Variants in NRG1 observed in about 807,000 individuals in gnomAD.
NRG1 encodes pro-neuregulin-1, membrane-bound isoform.
In NRG1, 18 loss-of-function variants were observed where a neutral mutation model predicts 63.8. The observed-to-expected ratio is 0.28, with a 90% CI of 0.19 to 0.42. NRG1 has a LOEUF of 0.42. Ranked by LOEUF, NRG1 falls within the 10% of genes least tolerant of loss-of-function variation. The pLI, the probability that NRG1 is intolerant of heterozygous loss-of-function variation, is 1.00. For missense variants in NRG1, 762 were observed against 814.7 expected, an observed-to-expected ratio of 0.94 and a Z score of 0.79; for synonymous variants, 302 against 301.3, an observed-to-expected ratio of 1.00 and a Z score of -0.02.
intron 1 of NRG1, among the ~76,000 whole-genome samples, chr8:32,484,825 T>C (rs1220096192): frequency 1.3e-5 from 2 of 152,188 alleles, no homozygotes; most frequent in African/African-American, 4.8e-5. Flanking sequence ...TAGAGAATAA[T>C]GATGCTTAAA....
At chr8:32,232,311 A>G (rs1168066479) in intron 1 of NRG1, among the ~76,000 whole-genome samples, 5 of 152,256 alleles carry the variant, frequency 3.3e-5, no homozygotes, top group African/African-American at 1.2e-4. Flanking sequence ...ACACCTTTAC[A>G]GCTCAACAGA....
chr8:31,699,585 T>A (rs6468060), intron 1 of NRG1, among the ~76,000 whole-genome samples: 33,040 of 152,140 alleles, frequency 0.22, 3,971 homozygotes, highest in Non-Finnish European at 0.25. Context: ...ACTTCATGCC[T>A]GAGTCTTTCT....
At chr8:32,359,056 T>G (rs1362685528) in intron 1 of NRG1, among the ~76,000 whole-genome samples, 4 of 152,126 alleles carry the variant, frequency 2.6e-5, no homozygotes, top group Non-Finnish European at 4.4e-5. Flanking sequence ...GCCCTCCTTG[T>G]AGCTTTGCCC....
At chr8:32,239,507 A>G (rs554206542) in intron 1 of NRG1, among the ~76,000 whole-genome samples, 66 of 144,020 alleles carry the variant, frequency 4.6e-4, no homozygotes, top group African/African-American at 1.6e-3. Context: ...TTTCATTTTA[A>G]ATGAATTTTA....
At chr8:32,300,578 T>C (rs1234178272) in intron 1 of NRG1, among the ~76,000 whole-genome samples, 1 of 152,232 alleles carries the variant, frequency 6.6e-6, no homozygotes, top group East Asian at 1.9e-4. Context: ...TTAAACATTA[T>C]TTCAGTAGAA....
intron 1 of NRG1, among the ~76,000 whole-genome samples, chr8:31,780,680 C>T (rs1232224854): frequency 6.6e-6 from 1 of 152,140 alleles, no homozygotes; most frequent in Non-Finnish European, 1.5e-5. Flanking sequence ...CTTAGTTCCC[C>T]TTTTTCCTCC....
At chr8:31,987,047 C>G (rs1360212680) in intron 1 of NRG1, among the ~76,000 whole-genome samples, 1 of 151,994 alleles carries the variant, frequency 6.6e-6, no homozygotes, top group Non-Finnish European at 1.5e-5. Context: ...CGCCTATAAT[C>G]CTAGCACCTT....
At chr8:31,975,531 T>C (rs1017172945) in intron 1 of NRG1, among the ~76,000 whole-genome samples, 1 of 152,148 alleles carries the variant, frequency 6.6e-6, no homozygotes, top group African/African-American at 2.4e-5. Context: ...CTCATGGGAG[T>C]ACTGCATACC....
chr8:32,451,455 C>G (rs1820929422), intron 1 of NRG1, among the ~76,000 whole-genome samples: 4 of 152,202 alleles, frequency 2.6e-5, no homozygotes, highest in Admixed American at 1.3e-4. Flanking sequence ...TGAGGAGATG[C>G]CCTTTTTCCC....
At chr8:32,628,899 A>G (rs531549201) in intron 5 of NRG1, among the ~76,000 whole-genome samples, 27 of 151,974 alleles carry the variant, frequency 1.8e-4, no homozygotes, top group African/African-American at 6.0e-4. Context: ...CACCTGGCTA[A>G]TATTTTGTAT....
chr8:32,402,225 T>A (rs1275799499), intron 1 of NRG1, among the ~76,000 whole-genome samples: 1 of 152,144 alleles, frequency 6.6e-6, no homozygotes, highest in African/African-American at 2.4e-5. Flanking sequence ...AAAGTTTTTT[T>A]AAAAAGAGAA....
chr8:32,301,397 G>T (rs1586707952), intron 1 of NRG1, among the ~76,000 whole-genome samples: 1 of 152,144 alleles, frequency 6.6e-6, no homozygotes, highest in Non-Finnish European at 1.5e-5. Context: ...CACATCAATG[G>T]TCGGTTACAA....
At chr8:31,711,785 T>C (rs1811776180) in intron 1 of NRG1, among the ~76,000 whole-genome samples, 1 of 152,206 alleles carries the variant, frequency 6.6e-6, no homozygotes, top group Admixed American at 6.5e-5. Flanking sequence ...CAGATCTGTG[T>C]CTGGTGAGGG....
intron 1 of NRG1, among the ~76,000 whole-genome samples, chr8:32,346,554 A>G (rs1384186585): frequency 3.6e-4 from 13 of 35,956 alleles, no homozygotes; most frequent in South Asian, 2.5e-3. Flanking sequence ...TCTTTTGGGA[A>G]AAAAAAAAAA....
intron 1 of NRG1, among the ~76,000 whole-genome samples, chr8:32,569,294 C>T (rs985285619): frequency 2.6e-5 from 4 of 152,146 alleles, no homozygotes; most frequent in African/African-American, 7.2e-5. Context: ...ACTGATCCGC[C>T]CACCTTGGCC....
At chr8:31,669,400 GC>G (rs1422204078) in intron 1 of NRG1, among the ~76,000 whole-genome samples, 1 of 152,014 alleles carries the variant, frequency 6.6e-6, no homozygotes, top group East Asian at 1.9e-4. Context: ...ACCATGCCCG[GC>G]TAATTTTTGT....
chr8:31,852,230 G>C (rs1033348869), intron 1 of NRG1, among the ~76,000 whole-genome samples: 6 of 152,120 alleles, frequency 3.9e-5, no homozygotes, highest in Admixed American at 2.6e-4. Context: ...CACCAACAGT[G>C]TAAAATTGTT....
chr8:32,180,980 C>A (rs544402510), intron 1 of NRG1, among the ~76,000 whole-genome samples: 52 of 152,244 alleles, frequency 3.4e-4, no homozygotes, highest in African/African-American at 1.2e-3. Flanking sequence ...TCTTAGATTC[C>A]ACATGTAAGT....
intron 1 of NRG1, among the ~76,000 whole-genome samples, chr8:32,119,321 G>A (rs17620153): frequency 0.44 from 67,476 of 151,900 alleles, 15,583 homozygotes; most frequent in Admixed American, 0.51. Flanking sequence ...GCGACTATTC[G>A]CTTTTGGTTT....
Sources: allele counts gnomAD v4.1 joint callset (sites outside exome capture counted in the v4.1 genomes callset), GRCh38; gene constraint gnomAD v4.1.1; transcripts MANE v1.5; gene names NCBI Gene and HGNC (gene_info 2026-07-23, HGNC 2026-07-21).